Variants in TRPM3 observed in about 807,000 individuals in gnomAD.
The protein encoded by TRPM3 is long transient receptor potential channel 3.
A neutral mutation model predicts 181.2 loss-of-function variants in TRPM3; 77 were observed. That is an observed-to-expected ratio of 0.42 (90% CI 0.35 to 0.51). The LOEUF (loss-of-function observed/expected upper bound fraction) is 0.51, where lower values mean the gene tolerates loss of function less well. TRPM3 is among the 20% of genes least tolerant of loss of function. The pLI is 0.01. For synonymous variants in TRPM3, 745 were observed against 796.4 expected (o/e 0.94, Z 1.09); for missense variants, 1,759 against 2,196.7 (o/e 0.80, Z 3.98).
intron 1 of TRPM3, among the ~76,000 whole-genome samples, chr9:70,923,828 C>CTATATA (rs1256813268): frequency 7.3e-6 from 1 of 136,058 alleles, no homozygotes; most frequent in African/African-American, 2.8e-5. Context: ...CTCTCTCTCT[C>CTATATA]TATATATATA....
At chr9:70,998,266 T>TA (rs1554794865) in intron 1 of TRPM3, among the ~76,000 whole-genome samples, 1,401 of 132,784 alleles carry the variant, frequency 0.011, 21 homozygotes, top group African/African-American at 0.04. Flanking sequence ...TATATATATA[T>TA]TTTTTTTAGT....
intron 1 of TRPM3, among the ~76,000 whole-genome samples, chr9:71,321,909 GA>G (rs1436014374): frequency 6.6e-6 from 1 of 151,814 alleles, no homozygotes; most frequent in Admixed American, 6.6e-5. Context: ...AATAATATGA[GA>G]AAAGTTTAAA....
intron 1 of TRPM3, among the ~76,000 whole-genome samples, chr9:71,415,800 A>C (rs2093628403): frequency 6.6e-6 from 1 of 151,838 alleles, no homozygotes; most frequent in African/African-American, 2.4e-5. Context: ...CTCTAGATTT[A>C]TCTCTAGATT....
chr9:70,567,464 A>G (rs76686417), intron 22 of TRPM3, among the ~76,000 whole-genome samples: 4,097 of 152,360 alleles, frequency 0.027, 170 homozygotes, highest in African/African-American at 0.091. Context: ...TCACTTCGCC[A>G]ACACATACAC....
intron 1 of TRPM3, among the ~76,000 whole-genome samples, chr9:71,168,623 A>T (rs1281482850): frequency 1.4e-3 from 69 of 50,500 alleles, no homozygotes; most frequent in Middle Eastern, 0.026. Flanking sequence ...TTTTATTATT[A>T]TTTTTTTATT....
chr9:71,209,944 T>G (rs974536178), intron 1 of TRPM3, among the ~76,000 whole-genome samples: 2 of 152,198 alleles, frequency 1.3e-5, no homozygotes, highest in African/African-American at 4.8e-5. Flanking sequence ...CTAGCTGGGC[T>G]TGTCCTCTAC....
chr9:71,439,755 G>A (rs2094107603), intron 1 of TRPM3, among the ~76,000 whole-genome samples: 1 of 151,924 alleles, frequency 6.6e-6, no homozygotes, highest in African/African-American at 2.4e-5. Flanking sequence ...ATGATTATGT[G>A]GATTATTTTT....
At chr9:70,587,509 A>G (rs2132467605) in intron 22 of TRPM3, among the ~76,000 whole-genome samples, 1 of 152,324 alleles carries the variant, frequency 6.6e-6, no homozygotes, top group African/African-American at 2.4e-5. Context: ...CAGAATGCAG[A>G]ACCAGATTTC....
At chr9:71,380,563 C>T (rs1303375426) in intron 1 of TRPM3, among the ~76,000 whole-genome samples, 3 of 152,060 alleles carry the variant, frequency 2.0e-5, no homozygotes, top group African/African-American at 7.2e-5. Flanking sequence ...CTCTAACCTA[C>T]TTCTTTTTAG....
At chr9:70,893,930 A>AAAT (rs947073130) in intron 1 of TRPM3, among the ~76,000 whole-genome samples, 61 of 152,212 alleles carry the variant, frequency 4.0e-4, no homozygotes, top group African/African-American at 1.4e-3. Context: ...AGGTAAGCAC[A>AAAT]AATTTCTTCT....
intron 6 of TRPM3, among the ~76,000 whole-genome samples, chr9:70,807,476 TC>T (rs2090951534): frequency 6.6e-6 from 1 of 152,232 alleles, no homozygotes; most frequent in East Asian, 1.9e-4. Flanking sequence ...TTATGATTTG[TC>T]CTTTTTTATA....
At chr9:71,313,586 T>G (rs979780990) in intron 1 of TRPM3, among the ~76,000 whole-genome samples, 4 of 152,164 alleles carry the variant, frequency 2.6e-5, no homozygotes, top group African/African-American at 9.6e-5. Context: ...CTATCACAGT[T>G]AAGACATTTC....
At chr9:70,779,560 T>A (rs2082080296) in intron 7 of TRPM3, among the ~76,000 whole-genome samples, 1 of 152,102 alleles carries the variant, frequency 6.6e-6, no homozygotes, top group Admixed American at 6.6e-5. Flanking sequence ...CGGTTGAGCA[T>A]TATCAGGCAA....
intron 1 of TRPM3, among the ~76,000 whole-genome samples, chr9:71,268,874 G>A (rs948888462): frequency 3.9e-5 from 6 of 152,072 alleles, no homozygotes; most frequent in Middle Eastern, 3.4e-3. Flanking sequence ...ATCAGAGAAG[G>A]CTTCTCAGGG....
chr9:70,560,955 T>A (rs982686480), intron 22 of TRPM3, among the ~76,000 whole-genome samples: 9 of 152,182 alleles, frequency 5.9e-5, no homozygotes, highest in Admixed American at 1.3e-4. Flanking sequence ...CACCATCTTG[T>A]CCCTAAAAAG....
At chr9:70,978,028 G>T (rs1299036352) in intron 1 of TRPM3, among the ~76,000 whole-genome samples, 1 of 152,142 alleles carries the variant, frequency 6.6e-6, no homozygotes, top group African/African-American at 2.4e-5. Flanking sequence ...GAGTGGGGCT[G>T]AAAGTCCCAA....
chr9:71,342,819 C>G (rs2091047635), intron 1 of TRPM3, among the ~76,000 whole-genome samples: 2 of 152,024 alleles, frequency 1.3e-5, no homozygotes, highest in Admixed American at 1.3e-4. Flanking sequence ...GCCAAAATGT[C>G]TTTTAATAAG....
chr9:70,751,319 T>C (rs1459250198), intron 8 of TRPM3, among the ~76,000 whole-genome samples: 1 of 152,064 alleles, frequency 6.6e-6, no homozygotes, highest in Admixed American at 6.6e-5. Context: ...AGACAAAGCA[T>C]TGTCAGGAAT....
At position 70,591,254 on chromosome 9, in the gene TRPM3, T is replaced by C. The variant is rs752864550; in HGVS notation, c.3049-49A>G. 4.6e-6 allele frequency: 7 copies of C among 1,513,266 alleles called. No homozygotes were observed. In the African/African-American group the frequency reaches 6.9e-5, roughly 15 times the overall value. The allele number at this position is 1,513,266 out of a possible 1,614,324, so 93.7% of individuals were successfully genotyped here. A position where few individuals can be genotyped will look rare whatever the true frequency, so the allele number is the denominator to read the frequency against. On this transcript the variant is annotated intron_variant, in intron 21 of 25. Transcript: ENST00000677713. Reference sequence around the variant, plus strand: ...GAGAAACAAGAGAAAACCCATATGATTGAGTGTTCTTATAATTGCTGACAA... The same window carrying C: ...GAGAAACAAGAGAAAACCCATATGACTGAGTGTTCTTATAATTGCTGACAA...
Sources: allele counts gnomAD v4.1 joint callset (sites outside exome capture counted in the v4.1 genomes callset), GRCh38; gene constraint gnomAD v4.1.1; transcripts MANE v1.5; gene names NCBI Gene and HGNC (gene_info 2026-07-23, HGNC 2026-07-21).